The following ABCB7 variants were observed in gnomAD, a reference collection of about 807,000 sequenced individuals.
ABCB7 encodes ATP binding cassette subfamily B member 7.
A neutral mutation model predicts 54.4 loss-of-function variants in ABCB7; 7 were observed. That is an observed-to-expected ratio of 0.13 (90% confidence interval 0.07 to 0.24). The LOEUF (loss-of-function observed/expected upper bound fraction) is 0.24, where lower values mean the gene tolerates loss of function less well. ABCB7 is among the 10% of genes least tolerant of loss of function. The pLI, the probability that ABCB7 is intolerant of heterozygous loss-of-function variation, is 1.00. For missense variants in ABCB7, 356 were observed against 570.4 expected, an observed-to-expected ratio of 0.62 and a Z score of 3.83; for synonymous variants, 218 against 207.1, an observed-to-expected ratio of 1.05 and a Z score of -0.45.
chrX:75,150,110 G>A (rs1210049494), intron 1 of ABCB7, among the ~76,000 whole-genome samples: 1 of 111,299 alleles, frequency 9.0e-6, no homozygotes, highest in Non-Finnish European at 1.9e-5. Context: ...GATTGAAAGG[G>A]CAAGTCCCTG....
At chrX:75,078,115 T>C (rs1181771282) in intron 4 of ABCB7, among the ~76,000 whole-genome samples, 2 of 109,894 alleles carry the variant, frequency 1.8e-5, no homozygotes, top group East Asian at 2.9e-4. Flanking sequence ...GGTTTCACCA[T>C]GTTGGTCAGG....
chrX:75,102,420 T>C (rs757593027), intron 3 of ABCB7, among the ~76,000 whole-genome samples: 1 of 111,579 alleles, frequency 9.0e-6, no homozygotes, highest in African/African-American at 3.2e-5. Flanking sequence ...AGATAACATG[T>C]GATATTTGTC....
intron 1 of ABCB7, among the ~76,000 whole-genome samples, chrX:75,139,893 AAATAT>A (rs1296188252): frequency 8.9e-6 from 1 of 112,033 alleles, no homozygotes; most frequent in Non-Finnish European, 1.9e-5. Context: ...AGTTTATAGA[AAATAT>A]AATATGGATT....
At chrX:75,105,013 CAT>C (rs1441208306) in intron 3 of ABCB7, among the ~76,000 whole-genome samples, 4 of 111,192 alleles carry the variant, frequency 3.6e-5, no homozygotes, top group African/African-American at 9.8e-5. Flanking sequence ...ATAAACTAGA[CAT>C]AGAAAAAATA....
At chrX:75,103,275 A>G (rs1051125819) in intron 3 of ABCB7, among the ~76,000 whole-genome samples, 37 of 111,568 alleles carry the variant, frequency 3.3e-4, no homozygotes, top group African/African-American at 1.2e-3. Context: ...TCTTTAATCC[A>G]TCTTGAGTTG....
In ABCB7 at chrX:75,075,491, C is replaced by G; in HGVS notation, c.726G>C (p.Leu242=). ...HLHNLDLGFH[L]SRQTGALSKA... ...TAGATAAAGCTCCCGTCTGTCTGCT[C>G]AGGTGAAAACCCAGATCCAGGTTGT... The change falls in exon 6 of 16, where the codon CTG becomes CTC. Residue 242 remains leucine (L), a synonymous_variant. Transcript: ENST00000373394. 8.3e-7 allele frequency: 1 copy of G among 1,211,628 alleles called. No individual in the cohort carries two copies. Among genetic ancestry groups the G allele is most frequent in the Middle Eastern group, 2.3e-4 (1 of 4,353 alleles).
chrX:75,067,546 G>A (rs1233834442), intron 12 of ABCB7, among the ~76,000 whole-genome samples: 1 of 110,168 alleles, frequency 9.1e-6, no homozygotes, highest in South Asian at 3.9e-4. Flanking sequence ...GTGCAATGGC[G>A]CGATCTCGGC....
At chrX:75,109,142 C>T (rs2081733747) in intron 3 of ABCB7, among the ~76,000 whole-genome samples, 2 of 111,873 alleles carry the variant, frequency 1.8e-5, no homozygotes, top group South Asian at 3.7e-4. Flanking sequence ...TTATACTTCT[C>T]ATGAATTGAC....
chrX:75,056,239 G>C (rs2081238725), intron 15 of ABCB7, among the ~76,000 whole-genome samples: 1 of 111,483 alleles, frequency 9.0e-6, no homozygotes, highest in African/African-American at 3.3e-5. Flanking sequence ...AGCAACCAGT[G>C]AGGACCCTTA....
intron 1 of ABCB7, among the ~76,000 whole-genome samples, chrX:75,152,474 T>C (rs1446010425): frequency 1.8e-5 from 2 of 112,149 alleles, no homozygotes; most frequent in East Asian, 2.8e-4. Context: ...ATAAGTCATG[T>C]AGTTTATGGT....
intron 1 of ABCB7, among the ~76,000 whole-genome samples, chrX:75,144,467 CT>C (rs1173767641): frequency 9.0e-6 from 1 of 111,001 alleles, no homozygotes; most frequent in African/African-American, 3.3e-5. Flanking sequence ...AATAGGGAGC[CT>C]TTTTTCTAAT....
At chrX:75,125,736 T>C (rs1288895476) in intron 1 of ABCB7, among the ~76,000 whole-genome samples, 1 of 111,181 alleles carries the variant, frequency 9.0e-6, no homozygotes, top group Non-Finnish European at 1.9e-5. Flanking sequence ...TGATACAGAA[T>C]CCAACTGTGT....
At chrX:75,090,098 T>C (rs1323151164) in intron 4 of ABCB7, among the ~76,000 whole-genome samples, 1 of 110,213 alleles carries the variant, frequency 9.1e-6, no homozygotes, top group Admixed American at 9.6e-5. Flanking sequence ...AATATCAAAA[T>C]GCATGAGGCA....
intron 1 of ABCB7, among the ~76,000 whole-genome samples, chrX:75,139,635 C>A (rs2082039986): frequency 8.9e-6 from 1 of 112,075 alleles, no homozygotes; most frequent in South Asian, 3.7e-4. Context: ...TTGAATTATT[C>A]TATATACTCA....
In ABCB7 at chrX:75,076,522, A is replaced by G; in HGVS notation, c.586T>C (p.Tyr196His). ...AGACAGATTAAAGAATCACACATAC[A>G]GCCAATCAGAACTGCTGTTGCCATG... ...ATMATAVLIGYGVSRAGAAFF... is the reference protein window; with the variant it reads ...ATMATAVLIGHGVSRAGAAFF... Residue 196 changes from tyrosine (Y) to histidine (H), a missense_variant and splice_region_variant, in exon 5 of 16, where the codon TAT becomes CAT. Tyr to His is a moderately conservative substitution (Grantham distance 83, BLOSUM62 2). Around this residue, in one of 2 missense-constraint regions of ABCB7, gnomAD observed 241 missense variants for 470.9 expected, o/e 0.51. Coordinates refer to ENST00000373394, the MANE Select transcript of ABCB7 (RefSeq NM_001271696.3). 1 of 1,210,836 alleles carries G rather than the reference A, an allele frequency of 8.3e-7. No homozygotes were observed. Among genetic ancestry groups the G allele is most frequent in the Non-Finnish European group, 1.1e-6 (1 of 894,760 alleles).
intron 4 of ABCB7, among the ~76,000 whole-genome samples, chrX:75,094,713 T>TA (rs1198221455): frequency 9.1e-6 from 1 of 110,330 alleles, no homozygotes; most frequent in Admixed American, 9.6e-5. Context: ...AACTCCATCT[T>TA]AAAAAAACAA....
rs1278267418 is a variant in ABCB7 at position 75,052,113 on chromosome X, C to T, written c.*1257G>A. On this transcript the variant is annotated 3_prime_UTR_variant, in exon 16 of 16. Coordinates refer to ENST00000373394, the MANE Select transcript of ABCB7 (RefSeq NM_001271696.3). ...CTGCTTAATGATGAAGAATATTCTACATAGCGACATGAGAATGAAGGTTTT... is the reference window on the plus strand; with the variant it reads ...CTGCTTAATGATGAAGAATATTCTATATAGCGACATGAGAATGAAGGTTTT... 9.1e-6 allele frequency: 1 copy of T among 110,089 alleles called. No homozygotes were observed. The highest frequency in any genetic ancestry group is 1.9e-5 in the Non-Finnish European group (1 of 53,246). 9.1% of individuals were successfully genotyped at this position (110,089 alleles called of 1,213,427 possible). A position where few individuals can be genotyped will look rare whatever the true frequency, so the allele number is the denominator to read the frequency against.
rs141974220 is a variant in ABCB7 at position 75,081,327 on chromosome X, G to A, written c.454-4673C>T. ...ATATTTATGAACATGCTTGAAATAA[G>A]TGAAAAAATAGAAGACTCAGGAAAT... On this transcript the variant is annotated intron_variant, in intron 4 of 15. Coordinates refer to ENST00000373394, the MANE Select transcript of ABCB7 (RefSeq NM_001271696.3). Among the ~76,000 whole-genome samples the A allele has an allele frequency of 1.2e-3, 130 of 111,317 alleles. No individual in the cohort carries two copies. In the Middle Eastern group the frequency reaches 0.014, roughly 12 times the overall value.
intron 4 of ABCB7, among the ~76,000 whole-genome samples, chrX:75,098,025 G>A (rs776235852): frequency 4.5e-4 from 50 of 111,433 alleles, no homozygotes; most frequent in African/African-American, 1.4e-3. Flanking sequence ...GAGTAAATTG[G>A]GGGCTGGGTG....
Sources: allele counts gnomAD v4.1 joint callset (sites outside exome capture counted in the v4.1 genomes callset), GRCh38; gene constraint gnomAD v4.1.1; regional missense constraint gnomAD v4.1.1; transcripts MANE v1.5; gene names NCBI Gene and HGNC (gene_info 2026-07-23, HGNC 2026-07-21).